The following CYTH1 variants were observed in gnomAD, a reference collection of about 807,000 sequenced individuals.
The protein encoded by CYTH1 is cytohesin-1.
A neutral mutation model predicts 61.8 loss-of-function variants in CYTH1; 18 were observed. The ratio of observed to expected loss-of-function variants is 0.29; its 90% CI spans 0.20 to 0.43. The LOEUF is 0.43. CYTH1 is among the 20% of genes least tolerant of loss of function. The pLI, the probability that CYTH1 is intolerant of heterozygous loss-of-function variation, is 1.00. For synonymous variants in CYTH1, 174 were observed against 184.3 expected, an observed-to-expected ratio of 0.94 and a Z score of 0.45; for missense variants, 336 against 510.5, an observed-to-expected ratio of 0.66 and a Z score of 3.29.
chr17:78,749,309 A>G (rs1474233676), intron 1 of CYTH1, among the ~76,000 whole-genome samples: 1 of 152,050 alleles, frequency 6.6e-6, no homozygotes, highest in Non-Finnish European at 1.5e-5. Context: ...AAAATATAAA[A>G]ATTAGCCAGG....
At chr17:78,737,941 A>G (rs1433369942) in intron 1 of CYTH1, among the ~76,000 whole-genome samples, 1 of 152,018 alleles carries the variant, frequency 6.6e-6, no homozygotes, top group Non-Finnish European at 1.5e-5. Flanking sequence ...ATTTTTACTT[A>G]TAACATTTTT....
At chr17:78,770,856 G>A (rs534470319) in intron 1 of CYTH1, among the ~76,000 whole-genome samples, 6 of 152,260 alleles carry the variant, frequency 3.9e-5, no homozygotes, top group African/African-American at 1.2e-4. Flanking sequence ...GGCCAAGTGC[G>A]GGAGCTCATA....
chr17:78,770,817 C>T (rs571729450), intron 1 of CYTH1, among the ~76,000 whole-genome samples: 5 of 152,200 alleles, frequency 3.3e-5, no homozygotes, highest in African/African-American at 1.2e-4. Context: ...GAAATAGAAG[C>T]CTTGAAGACT....
intron 1 of CYTH1, among the ~76,000 whole-genome samples, chr17:78,779,768 CCT>C (rs1440380087): frequency 1.3e-5 from 2 of 152,156 alleles, no homozygotes; most frequent in Admixed American, 6.5e-5. Context: ...TGGGTTCTCC[CCT>C]GAGCCTCCAG....
At chr17:78,712,217 A>G (rs566002387) in intron 1 of CYTH1, among the ~76,000 whole-genome samples, 1 of 151,988 alleles carries the variant, frequency 6.6e-6, no homozygotes, top group South Asian at 2.1e-4. Flanking sequence ...AAGAGAAAGA[A>G]AAAGAGAAAG....
chr17:78,681,730 C>T (rs949319256), intron 11 of CYTH1, among the ~76,000 whole-genome samples: 1 of 151,284 alleles, frequency 6.6e-6, no homozygotes, highest in South Asian at 2.1e-4. Flanking sequence ...CTGTTAAAGT[C>T]TTTATATTTG....
chr17:78,721,132 C>T (rs537792131), intron 1 of CYTH1, among the ~76,000 whole-genome samples: 1 of 152,276 alleles, frequency 6.6e-6, no homozygotes, highest in Non-Finnish European at 1.5e-5. Context: ...GTGTTCAAGA[C>T]CAGCCTGGCC....
intron 5 of CYTH1, among the ~76,000 whole-genome samples, 154 bp downstream of exon 5, chr17:78,701,968 T>C (rs1434467035): frequency 6.6e-6 from 1 of 152,150 alleles, no homozygotes; most frequent in African/African-American, 2.4e-5. Context: ...GACCCATCAC[T>C]ATTCCCCAGA....
At chr17:78,688,898 C>T (rs2092846534) in intron 11 of CYTH1, among the ~76,000 whole-genome samples, 1 of 152,152 alleles carries the variant, frequency 6.6e-6, no homozygotes, top group East Asian at 1.9e-4. Flanking sequence ...GTTTTCTTTA[C>T]AATGCAGCTT....
At position 78,698,396 on chromosome 17, in the gene CYTH1, A is replaced by G. The variant is rs369017020; in HGVS notation, c.700-16T>C. ...CATAGAGATTCTGGGATAAAAGATG[A>G]CAATTTATGTCTCTGATTCTAGAAA... On this transcript the variant is annotated splice_polypyrimidine_tract_variant and intron_variant, in intron 8 of 13. Transcript: ENST00000446868. The G allele has an allele frequency of 2.6e-6, 4 of 1,560,894 alleles. No homozygotes were observed. The highest frequency in any genetic ancestry group is 3.5e-6 in the Non-Finnish European group (4 of 1,133,832).
rs116371477 is a variant in CYTH1 at position 78,718,522 on chromosome 17, T to C, written c.23-8790A>G. 2.6e-3 allele frequency among the ~76,000 whole-genome samples: 391 copies of C among 152,296 alleles called. 1 individual carries two copies. The highest frequency in any genetic ancestry group is 0.017 in the Middle Eastern group (5 of 294). On this transcript the variant is annotated intron_variant, in intron 1 of 13. Transcript: ENST00000446868. ...ATATCCTGAGCACTGGTTCCAGTAT[T>C]CAGCACTTACTCGCCACATACCTGT...
intron 1 of CYTH1, among the ~76,000 whole-genome samples, chr17:78,744,845 CA>C (rs3038702): frequency 0.014 from 1,400 of 98,116 alleles, 13 homozygotes; most frequent in East Asian, 0.07. Context: ...GATTAGATGT[CA>C]AAAAAAAAAA....
intron 10 of CYTH1, 58 bp downstream of exon 10, chr17:78,695,949 A>C (rs1322898485): frequency 2.9e-6 from 4 of 1,364,088 alleles, no homozygotes; most frequent in Non-Finnish European, 2.0e-6. Flanking sequence ...AAATCAGAAA[A>C]TGCTGCAGTA....
rs113329666 is a variant in CYTH1 at position 78,681,420 on chromosome 17, C to T, written c.892-378G>A. On this transcript the variant is annotated intron_variant, in intron 11 of 13. Transcript: ENST00000446868. ...GGGCAACAACTCCAGGAAGCCTTTC[C>T]TAGTTTCACCCTAGCGCCCCGATGC... Among the ~76,000 whole-genome samples the T allele has an allele frequency of 3.4e-3, 510 of 152,234 alleles. 1 individual carries two copies. The highest frequency in any genetic ancestry group is 0.012 in the African/African-American group (489 of 41,536).
intron 13 of CYTH1, chr17:78,677,346 C>T (rs1479065186): frequency 4.0e-6 from 1 of 248,768 alleles, no homozygotes; most frequent in Non-Finnish European, 8.0e-6. Context: ...GAGTGTCAGG[C>T]GATGAGGGGG....
chr17:78,688,886 G>C (rs1054956556), intron 11 of CYTH1, among the ~76,000 whole-genome samples: 1 of 152,152 alleles, frequency 6.6e-6, no homozygotes, highest in African/African-American at 2.4e-5. Flanking sequence ...AGAACTCTTG[G>C]CGTTTTCTTT....
Position 78,712,158 on chromosome 17 carries a change from GA to G in CYTH1, c.23-2427del, listed in dbSNP as rs1567852994. ...GAAGGAAGGGAAGGAGGAAGGAAGG[GA>G]GGGAGGGAGGGAGGGAGGGAGGTAG... is the stretch of plus-strand genomic sequence containing the variant. On this transcript the variant is annotated intron_variant, in intron 1 of 13. Transcript: ENST00000446868. Among the ~76,000 whole-genome samples the G allele has an allele frequency of 3.8e-4, 13 of 33,860 alleles. No homozygotes were observed. In the East Asian group the frequency reaches 0.011, roughly 30 times the overall value. The allele number at this position is 33,860 out of a possible 152,430, so 22.2% of individuals were successfully genotyped here.
intron 11 of CYTH1, among the ~76,000 whole-genome samples, chr17:78,682,844 A>G (rs1053148910): frequency 6.6e-6 from 1 of 152,102 alleles, no homozygotes; most frequent in Non-Finnish European, 1.5e-5. Flanking sequence ...GCGTGCATTC[A>G]TTTTCAGTCA....
intron 9 of CYTH1, among the ~76,000 whole-genome samples, chr17:78,696,323 C>T (rs2092937931): frequency 6.6e-6 from 1 of 152,234 alleles, no homozygotes; most frequent in African/African-American, 2.4e-5. Flanking sequence ...CCAATGTTTA[C>T]TAGTATATCC....
Sources: allele counts gnomAD v4.1 joint callset (sites outside exome capture counted in the v4.1 genomes callset), GRCh38; gene constraint gnomAD v4.1.1; transcripts MANE v1.5; gene names NCBI Gene and HGNC (gene_info 2026-07-23, HGNC 2026-07-21).